The following ZUP1 variants were observed in gnomAD, a reference collection of about 807,000 sequenced individuals.
ZUP1 encodes zinc finger-containing ubiquitin peptidase 1.
Under a neutral mutation model 68.1 loss-of-function variants are expected in ZUP1, and 55 were observed. That is an observed-to-expected ratio of 0.81 (90% CI 0.65 to 1.01). ZUP1 has a LOEUF of 1.01. ZUP1 is among the 50% of genes least tolerant of loss of function. ZUP1 has a pLI of 0.00. For missense variants in ZUP1, 684 were observed against 674.9 expected (o/e 1.01, Z -0.15); for synonymous variants, 223 against 221.5 (o/e 1.01, Z -0.06).
chr6:116,656,539 TA>T, intron 5 of ZUP1, 144 bp downstream of exon 5: 1 of 639,392 alleles, frequency 1.6e-6, no homozygotes, highest in African/African-American at 1.9e-5. Context: ...ATCATAAAAA[TA>T]ATTCAGAAGT....
At chr6:116,664,234 C>T (rs1776928648) in intron 2 of ZUP1, among the ~76,000 whole-genome samples, 1 of 152,000 alleles carries the variant, frequency 6.6e-6, no homozygotes. Context: ...AGTTCCAGAC[C>T]AGCCTGGCCA....
At position 116,646,071 on chromosome 6, in the gene ZUP1, T is replaced by C. The variant is rs537539058; in HGVS notation, c.1469-137A>G. ...AGACTCTGACACATATGTATCTAAGTTCTCCTAAGACGTAAGAGTTTAGTT... is the reference window on the plus strand; with the variant it reads ...AGACTCTGACACATATGTATCTAAGCTCTCCTAAGACGTAAGAGTTTAGTT... On this transcript the variant is annotated intron_variant, in intron 8 of 9. Coordinates refer to ENST00000368576, the MANE Select transcript of ZUP1 (RefSeq NM_145062.3). The C allele has an allele frequency of 3.5e-4, 200 of 568,354 alleles. 1 individual carries two copies. Among genetic ancestry groups the C allele is most frequent in the African/African-American group, 3.4e-3 (177 of 52,156 alleles). The allele number at this position is 568,354 out of a possible 1,614,324, so 35.2% of individuals were successfully genotyped here.
At chr6:116,638,304 GCTAT>G (rs1217451747) in intron 9 of ZUP1, among the ~76,000 whole-genome samples, 3 of 151,842 alleles carry the variant, frequency 2.0e-5, no homozygotes, top group African/African-American at 7.3e-5. Flanking sequence ...CACTTGATGT[GCTAT>G]CATATAGCTT....
At chr6:116,656,559 A>T in intron 5 of ZUP1, 125 bp downstream of exon 5, 1 of 729,416 alleles carries the variant, frequency 1.4e-6, no homozygotes, top group Non-Finnish European at 2.1e-6. Flanking sequence ...GTTTTAAAAC[A>T]ATACATTTTT....
chr6:116,652,230 C>T, intron 5 of ZUP1, 38 bp from the exon 6 acceptor site: 1 of 1,511,742 alleles, frequency 6.6e-7, no homozygotes. Flanking sequence ...GTCATTATCA[C>T]CTTTATATTG....
At chr6:116,656,077 G>GT (rs34192854) in intron 5 of ZUP1, among the ~76,000 whole-genome samples, 59 of 104,070 alleles carry the variant, frequency 5.7e-4, no homozygotes, top group East Asian at 1.2e-3. Context: ...ACTTTTTTTT[G>GT]TTTTTTTTTT....
At chr6:116,653,954 T>G (rs1776589171) in intron 5 of ZUP1, among the ~76,000 whole-genome samples, 1 of 152,036 alleles carries the variant, frequency 6.6e-6, no homozygotes, top group South Asian at 2.1e-4. Context: ...TAAATTTATC[T>G]TCAGTTAAAT....
chr6:116,650,679 G>A (rs557415806), intron 7 of ZUP1, among the ~76,000 whole-genome samples: 2 of 152,148 alleles, frequency 1.3e-5, no homozygotes, highest in South Asian at 4.2e-4. Flanking sequence ...ATGAATCAAG[G>A]TTAGGCAGTC....
intron 5 of ZUP1, 56 bp from the exon 6 acceptor site, chr6:116,652,248 A>C: frequency 3.1e-4 from 422 of 1,369,020 alleles, no homozygotes; most frequent in Non-Finnish European, 3.9e-4. Context: ...TTGCTATCTC[A>C]TACATTTTTA....
chr6:116,643,501 T>C (rs891428780), intron 9 of ZUP1, among the ~76,000 whole-genome samples: 1 of 152,120 alleles, frequency 6.6e-6, no homozygotes, highest in African/African-American at 2.4e-5. Flanking sequence ...TATAGATCAA[T>C]GGAACAGATC....
At chr6:116,648,842 T>A (rs1440088551) in intron 7 of ZUP1, among the ~76,000 whole-genome samples, 2 of 151,630 alleles carry the variant, frequency 1.3e-5, no homozygotes, top group African/African-American at 4.8e-5. Context: ...TGGTGGCACA[T>A]GCCTGTAATC....
intron 4 of ZUP1, among the ~76,000 whole-genome samples, chr6:116,658,410 T>G (rs1776731571): frequency 6.6e-6 from 1 of 152,214 alleles, no homozygotes; most frequent in Admixed American, 6.5e-5. Flanking sequence ...CTTCCAAGCA[T>G]CTATACAAAC....
rs554199938 is a variant in ZUP1, at chr6:116,663,466, A to C, written c.560-2620T>G. On this transcript the variant is annotated intron_variant, in intron 2 of 9. Coordinates refer to ENST00000368576, the MANE Select transcript of ZUP1 (RefSeq NM_145062.3). ...AAACATTCAGACTCCTAAGACTACC[A>C]AAATTCACCAGTTTACTGGTCCTGA... is the stretch of plus-strand genomic sequence containing the variant. Among the ~76,000 whole-genome samples, 13 of 152,324 alleles carry C rather than the reference A, an allele frequency of 8.5e-5. No individual in the cohort carries two copies. In the South Asian group the frequency reaches 2.7e-3, roughly 32 times the overall value.
Position 116,666,676 on chromosome 6 carries a change from CAT to C in ZUP1, c.515_516del (p.His172ArgfsTer17), listed in dbSNP as rs1300079583. On this transcript the variant is annotated frameshift_variant, in exon 2 of 10. Transcript: ENST00000368576. LOFTEE classifies it high-confidence loss of function. Reference protein sequence around the residue: ...IEEHSEDMETHVKTKHANLLD... With the variant: ...IEEHSEDMETXVKTKHANLLD... ...AAAAGATTGGCATGCTTTGTTTTCA[CAT>C]GAGTTTCCATATCTTCACTGTGCTC... 2 of 1,599,938 alleles carry C rather than the reference CAT, an allele frequency of 1.3e-6. No homozygotes were observed. Among genetic ancestry groups the C allele is most frequent in the Non-Finnish European group, 1.7e-6 (2 of 1,174,974 alleles).
chr6:116,646,536 G>A (rs984152826), intron 8 of ZUP1, among the ~76,000 whole-genome samples: 1 of 152,144 alleles, frequency 6.6e-6, no homozygotes, highest in African/African-American at 2.4e-5. Flanking sequence ...CTATAAATGA[G>A]GTAAATAAGT....
chr6:116,661,085 A>C (rs1277202175), intron 2 of ZUP1, among the ~76,000 whole-genome samples: 2 of 151,820 alleles, frequency 1.3e-5, no homozygotes, highest in Non-Finnish European at 2.9e-5. Context: ...TATGTCGTCC[A>C]GGCTGGTCTC....
At chr6:116,651,174 C>T (rs1360503739) in intron 7 of ZUP1, among the ~76,000 whole-genome samples, 2 of 152,036 alleles carry the variant, frequency 1.3e-5, no homozygotes, top group African/African-American at 2.4e-5. Context: ...TAGAAAAAAT[C>T]AGCAACAAGC....
At chr6:116,646,083 G>A (rs539182860) in intron 8 of ZUP1, 149 bp from the exon 9 acceptor site, 26 of 503,432 alleles carry the variant, frequency 5.2e-5, no homozygotes, top group African/African-American at 7.9e-5. Context: ...CTCCTAAGAC[G>A]TAAGAGTTTA....
chr6:116,653,688 G>A (rs538198093), intron 5 of ZUP1, among the ~76,000 whole-genome samples: 22 of 152,084 alleles, frequency 1.4e-4, no homozygotes, highest in Admixed American at 3.3e-4. Context: ...GAGAAAGAAA[G>A]CTAAATGTAG....
Sources: gnomAD v4.1 joint callset for allele counts (sites outside exome capture counted in the v4.1 genomes callset) on GRCh38, gnomAD v4.1.1 for gene constraint, MANE v1.5 for transcripts, NCBI Gene and HGNC (gene_info 2026-07-23, HGNC 2026-07-21) for gene names.